Variants in TBC1D19 observed in about 807,000 individuals in gnomAD.
The protein encoded by TBC1D19 is TBC1 domain family member 19.
In TBC1D19, 60 loss-of-function variants were observed where a neutral mutation model predicts 89.0. That is an observed-to-expected ratio of 0.67 (90% confidence interval 0.55 to 0.84). The LOEUF is 0.84. Ranked by LOEUF, TBC1D19 falls within the 40% of genes least tolerant of loss-of-function variation. The pLI, the probability that TBC1D19 is intolerant of heterozygous loss-of-function variation, is 0.00. For missense variants in TBC1D19, 500 were observed against 610.8 expected, an observed-to-expected ratio of 0.82 and a Z score of 1.91; for synonymous variants, 189 against 199.7, an observed-to-expected ratio of 0.95 and a Z score of 0.45.
the TBC1D19 span, among the ~76,000 whole-genome samples, chr4:26,786,815 G>A: frequency 1.3e-5 from 2 of 152,050 alleles, no homozygotes; most frequent in African/African-American, 2.4e-5. Flanking sequence ...AAGGATGGAA[G>A]GATGGCAGCC....
At chr4:26,614,515 T>A in intron 3 of TBC1D19, 62 bp downstream of exon 3, 1 of 1,161,254 alleles carries the variant, frequency 8.6e-7, no homozygotes, top group Non-Finnish European at 1.2e-6. Flanking sequence ...TTGTGAGTAA[T>A]AAAACCAGTA....
At chr4:26,855,297 G>A in the TBC1D19 span, among the ~76,000 whole-genome samples, 1 of 152,134 alleles carries the variant, frequency 6.6e-6, no homozygotes, top group Non-Finnish European at 1.5e-5. Context: ...TGTTGTATGT[G>A]CTCTTGTAGA....
chr4:26,805,592 C>A, the TBC1D19 span, among the ~76,000 whole-genome samples: 1 of 152,180 alleles, frequency 6.6e-6, no homozygotes, highest in Non-Finnish European at 1.5e-5. Flanking sequence ...TCACCCTTCA[C>A]ATCCATCAGC....
intron 13 of TBC1D19, among the ~76,000 whole-genome samples, chr4:26,696,237 G>A (rs897232235): frequency 1.1e-4 from 17 of 151,958 alleles, no homozygotes; most frequent in Non-Finnish European, 1.6e-4. Context: ...GACTTTAAAC[G>A]AACAAAGATC....
chr4:26,810,320 C>CT, the TBC1D19 span, among the ~76,000 whole-genome samples: 1,200 of 152,300 alleles, frequency 7.9e-3, 18 homozygotes, highest in African/African-American at 0.028. Context: ...GTCTCAGAAT[C>CT]GCTTCTGTGG....
At chr4:26,715,872 C>G (rs1427509615) in intron 13 of TBC1D19, among the ~76,000 whole-genome samples, 1 of 152,102 alleles carries the variant, frequency 6.6e-6, no homozygotes, top group Non-Finnish European at 1.5e-5. Flanking sequence ...ATCTGCCACA[C>G]ACTGCTGCCA....
chr4:26,607,164 G>A (rs1741066423), intron 1 of TBC1D19, among the ~76,000 whole-genome samples: 1 of 152,092 alleles, frequency 6.6e-6, no homozygotes, highest in African/African-American at 2.4e-5. Flanking sequence ...CAAATGTACT[G>A]TACCCTCTCT....
At chr4:26,628,513 A>G (rs1742581240) in intron 4 of TBC1D19, among the ~76,000 whole-genome samples, 1 of 152,142 alleles carries the variant, frequency 6.6e-6, no homozygotes, top group African/African-American at 2.4e-5. Flanking sequence ...GGCCAGGGCA[A>G]TTAGGCAGGA....
chr4:26,837,872 T>C, the TBC1D19 span, among the ~76,000 whole-genome samples: 1 of 152,122 alleles, frequency 6.6e-6, no homozygotes, highest in Non-Finnish European at 1.5e-5. Flanking sequence ...CCAAGACAGT[T>C]GGTGCTACAT....
intron 13 of TBC1D19, among the ~76,000 whole-genome samples, chr4:26,707,932 A>G (rs1363346890): frequency 6.6e-6 from 1 of 152,104 alleles, no homozygotes; most frequent in East Asian, 1.9e-4. Context: ...CAAAATGTGG[A>G]GTTGCAATCC....
intron 18 of TBC1D19, among the ~76,000 whole-genome samples, chr4:26,746,908 A>G (rs531385321): frequency 2.0e-5 from 3 of 152,324 alleles, no homozygotes; most frequent in East Asian, 3.9e-4. Flanking sequence ...CTGATAACCA[A>G]TGTGGCTTCT....
intron 13 of TBC1D19, among the ~76,000 whole-genome samples, chr4:26,704,421 TC>T (rs1228482841): frequency 1.4e-4 from 21 of 152,190 alleles, no homozygotes; most frequent in African/African-American, 4.6e-4. Context: ...TGACGAATCT[TC>T]CATCATATGC....
intron 13 of TBC1D19, among the ~76,000 whole-genome samples, chr4:26,714,019 A>C (rs918152824): frequency 6.6e-6 from 1 of 152,104 alleles, no homozygotes; most frequent in Admixed American, 6.6e-5. Flanking sequence ...CATGGAGTAC[A>C]TATTCAGTGA....
At chr4:26,681,298 G>A (rs1713316294) in intron 11 of TBC1D19, among the ~76,000 whole-genome samples, 1 of 152,040 alleles carries the variant, frequency 6.6e-6, no homozygotes, top group Admixed American at 6.6e-5. Flanking sequence ...CAGCACTTTG[G>A]GAGGCTGAGG....
intron 13 of TBC1D19, among the ~76,000 whole-genome samples, chr4:26,710,002 T>A (rs1024275828): frequency 6.6e-6 from 1 of 152,042 alleles, no homozygotes; most frequent in Non-Finnish European, 1.5e-5. Context: ...CCTTTATTTT[T>A]TGAAAATTTG....
At chr4:26,825,812 T>C in the TBC1D19 span, among the ~76,000 whole-genome samples, 1 of 152,202 alleles carries the variant, frequency 6.6e-6, no homozygotes, top group Non-Finnish European at 1.5e-5. Flanking sequence ...TTCATAGAAT[T>C]GTTATAATAT....
intron 13 of TBC1D19, among the ~76,000 whole-genome samples, chr4:26,717,484 C>G (rs1020678957): frequency 6.6e-6 from 1 of 152,028 alleles, no homozygotes; most frequent in African/African-American, 2.4e-5. Flanking sequence ...TGCTGCTGTC[C>G]TTTCTAAGTA....
chr4:26,583,895 G>A, upstream of TBC1D19: 1 of 379,984 alleles, frequency 2.6e-6, no homozygotes. Flanking sequence ...CTGTGGCTCT[G>A]AAAGAATGAG....
intron 9 of TBC1D19, among the ~76,000 whole-genome samples, chr4:26,667,420 A>T (rs1711909888): frequency 6.6e-6 from 1 of 152,032 alleles, no homozygotes; most frequent in South Asian, 2.1e-4. Flanking sequence ...TTAGTTTTTC[A>T]AATTCTTGAA....
Sources: allele counts gnomAD v4.1 joint callset (sites outside exome capture counted in the v4.1 genomes callset), GRCh38; gene constraint gnomAD v4.1.1; transcripts MANE v1.5; gene names NCBI Gene and HGNC (gene_info 2026-07-23, HGNC 2026-07-21).